The following MSRA variants were observed in gnomAD, a reference collection of about 807,000 sequenced individuals.
MSRA encodes the protein mitochondrial peptide methionine sulfoxide reductase.
A neutral mutation model predicts 31.3 loss-of-function variants in MSRA; 54 were observed. That is an observed-to-expected ratio of 1.73 (90% CI 1.39 to 2.17). The LOEUF is 2.17. Ranked by LOEUF, MSRA falls within the 30% of genes most tolerant of loss-of-function variation. The pLI is 0.00. For synonymous variants in MSRA, 169 were observed against 116.5 expected (o/e 1.45, Z -2.90); for missense variants, 507 against 300.9 (o/e 1.69, Z -5.07).
At chr8:10,365,661 C>G (rs944344574) in intron 5 of MSRA, among the ~76,000 whole-genome samples, 3 of 152,204 alleles carry the variant, frequency 2.0e-5, no homozygotes, top group African/African-American at 4.8e-5. Context: ...TTTTTACTTG[C>G]CTGACTCTAG....
intron 1 of MSRA, among the ~76,000 whole-genome samples, chr8:10,153,111 A>G (rs1803852363): frequency 1.3e-5 from 2 of 152,196 alleles, no homozygotes. Flanking sequence ...ACTTACCACT[A>G]CTGAGCGGTA....
intron 3 of MSRA, among the ~76,000 whole-genome samples, chr8:10,298,435 A>T (rs898529309): frequency 6.6e-6 from 1 of 152,288 alleles, no homozygotes. Context: ...CACAGAGACA[A>T]GAAAGTGGAA....
At chr8:10,319,626 G>C (rs890790706) in intron 4 of MSRA, among the ~76,000 whole-genome samples, 1 of 151,384 alleles carries the variant, frequency 6.6e-6, no homozygotes, top group African/African-American at 2.4e-5. Flanking sequence ...AGAACATCTA[G>C]TATGATCCAA....
intron 1 of MSRA, among the ~76,000 whole-genome samples, chr8:10,061,914 A>G (rs967983838): frequency 1.3e-5 from 2 of 152,198 alleles, no homozygotes; most frequent in African/African-American, 4.8e-5. Flanking sequence ...GTGGTGGGGA[A>G]GAGGTCATTA....
At chr8:10,122,615 A>G (rs1801208331) in intron 1 of MSRA, among the ~76,000 whole-genome samples, 1 of 151,754 alleles carries the variant, frequency 6.6e-6, no homozygotes, top group African/African-American at 2.4e-5. Flanking sequence ...TTCGTTGTAC[A>G]GATTATTTTG....
At chr8:10,342,995 A>G (rs1803527467) in intron 5 of MSRA, among the ~76,000 whole-genome samples, 1 of 151,270 alleles carries the variant, frequency 6.6e-6, no homozygotes, top group Non-Finnish European at 1.5e-5. Flanking sequence ...ACGTGTGGAA[A>G]GGAACTGGCA....
intron 1 of MSRA, among the ~76,000 whole-genome samples, chr8:10,125,617 A>G (rs1401943197): frequency 6.6e-6 from 1 of 152,188 alleles, no homozygotes; most frequent in Non-Finnish European, 1.5e-5. Flanking sequence ...CTGCAGGTAT[A>G]GCGGGAACCA....
At position 10,380,414 on chromosome 8, in the gene MSRA, C is replaced by T. The variant is rs562686801; in HGVS notation, c.544-47734C>T. 7.2e-5 allele frequency among the ~76,000 whole-genome samples: 11 copies of T among 152,290 alleles called. No individual in the cohort carries two copies. In the East Asian group the frequency reaches 1.7e-3, roughly 24 times the overall value. On this transcript the variant is annotated intron_variant, in intron 5 of 5. Coordinates refer to ENST00000317173, the MANE Select transcript of MSRA (RefSeq NM_012331.5). The stretch of plus-strand genomic sequence containing the variant: ...GGATGGAGCCATGGCGCTGAAGGCT[C>T]ATCGTTTTTGAGAGCATCATTGCAA...
intron 2 of MSRA, among the ~76,000 whole-genome samples, chr8:10,218,441 G>A (rs545967604): frequency 2.0e-5 from 3 of 152,150 alleles, no homozygotes; most frequent in South Asian, 2.1e-4. Context: ...CACTGCGCCC[G>A]GCCCTGGTTC....
chr8:10,407,185 G>A (rs1315475020), intron 5 of MSRA, among the ~76,000 whole-genome samples: 1 of 152,214 alleles, frequency 6.6e-6, no homozygotes, highest in Non-Finnish European at 1.5e-5. Flanking sequence ...CCTAGACTAT[G>A]TGACATTTTC....
intron 1 of MSRA, among the ~76,000 whole-genome samples, chr8:10,088,816 A>G (rs777630206): frequency 5.0e-4 from 76 of 152,224 alleles, no homozygotes; most frequent in Non-Finnish European, 5.7e-4. Flanking sequence ...AAGAAAGAAG[A>G]TCTTGCCATT....
chr8:10,293,237 C>T (rs1485586874), intron 3 of MSRA, among the ~76,000 whole-genome samples: 1 of 152,120 alleles, frequency 6.6e-6, no homozygotes, highest in Non-Finnish European at 1.5e-5. Flanking sequence ...GGTGCGCCAT[C>T]CCTATGATGG....
At chr8:10,292,033 T>G (rs1350068558) in intron 3 of MSRA, among the ~76,000 whole-genome samples, 1 of 152,196 alleles carries the variant, frequency 6.6e-6, no homozygotes, top group South Asian at 2.1e-4. Context: ...AATGAATAAA[T>G]AAAATGGTGC....
intron 5 of MSRA, among the ~76,000 whole-genome samples, chr8:10,343,033 A>G (rs2129152117): frequency 9.4e-6 from 1 of 106,016 alleles, no homozygotes; most frequent in African/African-American, 3.3e-5. Context: ...ACACACACAC[A>G]CACACACACA....
At chr8:10,229,836 A>G (rs903672462) in intron 2 of MSRA, among the ~76,000 whole-genome samples, 1 of 152,158 alleles carries the variant, frequency 6.6e-6, no homozygotes, top group African/African-American at 2.4e-5. Context: ...GGAATTTGGA[A>G]GAGGAAAGGG....
At chr8:10,409,761 C>A (rs1485773800) in intron 5 of MSRA, among the ~76,000 whole-genome samples, 1 of 152,212 alleles carries the variant, frequency 6.6e-6, no homozygotes, top group Non-Finnish European at 1.5e-5. Flanking sequence ...TAGACTCAAT[C>A]AAGATATTTC....
At position 10,073,858 on chromosome 8, in the gene MSRA, C is replaced by T. The variant is rs1395396272; in HGVS notation, c.142+19200C>T. On this transcript the variant is annotated intron_variant, in intron 1 of 5. Transcript: ENST00000317173. ...TACCCTGAACAAATTACTTTCATTT[C>T]ACTTCTTCTTGACCTCAACCTTCTT... Among the ~76,000 whole-genome samples, 8 of 152,022 alleles carry T rather than the reference C, an allele frequency of 5.3e-5. 1 individual carries two copies. Among genetic ancestry groups the T allele is most frequent in the Middle Eastern group, 3.4e-3 (1 of 294 alleles).
intron 5 of MSRA, among the ~76,000 whole-genome samples, chr8:10,349,038 G>T (rs1266287944): frequency 6.6e-6 from 1 of 151,930 alleles, no homozygotes; most frequent in African/African-American, 2.4e-5. Context: ...CTAAGAGAAT[G>T]GAATAAAAAG....
intron 2 of MSRA, among the ~76,000 whole-genome samples, chr8:10,218,491 TGCCTCAG>T (rs1810202000): frequency 6.6e-6 from 1 of 152,206 alleles, no homozygotes; most frequent in Non-Finnish European, 1.5e-5. Flanking sequence ...TACTGATCAT[TGCCTCAG>T]TCCATTATTT....
Sources: allele counts gnomAD v4.1 joint callset (sites outside exome capture counted in the v4.1 genomes callset), GRCh38; gene constraint gnomAD v4.1.1; transcripts MANE v1.5; gene names NCBI Gene and HGNC (gene_info 2026-07-23, HGNC 2026-07-21).